Variants in GCC2 observed in about 807,000 individuals in gnomAD.
The protein encoded by GCC2 is GRIP and coiled-coil domain containing 2.
A neutral mutation model predicts 210.6 loss-of-function variants in GCC2; 120 were observed. The ratio of observed to expected loss-of-function variants is 0.57; its 90% CI spans 0.49 to 0.66. The LOEUF is 0.66. GCC2 is among the 30% of genes least tolerant of loss of function. GCC2 has a pLI of 0.00. For synonymous variants in GCC2, 703 were observed against 652.7 expected, an observed-to-expected ratio of 1.08 and a Z score of -1.17; for missense variants, 1,868 against 1,871.9, an observed-to-expected ratio of 1.00 and a Z score of 0.04.
At chr2:108,494,908 T>A (rs191572053) in intron 19 of GCC2, 1 of 155,810 alleles carries the variant, frequency 6.4e-6, no homozygotes, top group Admixed American at 6.4e-5. Flanking sequence ...CGCCTCCTGG[T>A]TTCCAGCAAT....
intron 8 of GCC2, 37 bp from the exon 9 acceptor site, chr2:108,475,715 A>C (rs759094499): frequency 2.6e-5 from 39 of 1,512,534 alleles, no homozygotes; most frequent in Middle Eastern, 1.7e-4. Context: ...TTAAAAAAAA[A>C]CAAAAACCTC....
chr2:108,478,502 G>A (rs1015918312), intron 9 of GCC2, among the ~76,000 whole-genome samples: 4 of 152,072 alleles, frequency 2.6e-5, no homozygotes, highest in African/African-American at 7.2e-5. Flanking sequence ...AACTTGTATC[G>A]GTTTATTAAA....
In GCC2 at chr2:108,488,152, C is replaced by G. The variant is rs1047105835; in HGVS notation, c.4052+332C>G. Among the ~76,000 whole-genome samples, 7 of 152,096 alleles carry G rather than the reference C, an allele frequency of 4.6e-5. No homozygotes were observed. The South Asian group carries it at 1.2e-3, about 27-fold the overall frequency. On this transcript the variant is annotated intron_variant, in intron 17 of 22. Transcript: ENST00000309863. ...AAACTCCTGACCTCAGATGATCCAC[C>G]CGCCTCAGCCTCTCAGAGTGCTGGG...
Position 108,481,593 on chromosome 2 carries a change from A to G in GCC2, c.3061-104A>G, listed in dbSNP as rs1573206936. ...TCTGTTCAACTTGGGTAAATATTTT[A>G]AGCATCCAGAATGGACTCATGAATC... On this transcript the variant is annotated intron_variant, in intron 9 of 22. Transcript: ENST00000309863. 11 of 736,154 alleles carry G rather than the reference A, an allele frequency of 1.5e-5. No individual in the cohort carries two copies. The East Asian group carries it at 2.9e-4, about 20-fold the overall frequency. The allele number at this position is 736,154 out of a possible 1,614,324, so 45.6% of individuals were successfully genotyped here.
At chr2:108,474,276 A>C (rs1681395713) in intron 7 of GCC2, among the ~76,000 whole-genome samples, 1 of 152,236 alleles carries the variant, frequency 6.6e-6, no homozygotes, top group Admixed American at 6.5e-5. Context: ...ACAACACAGG[A>C]AATTGAGAAG....
intron 7 of GCC2, among the ~76,000 whole-genome samples, chr2:108,474,325 G>A (rs1681398180): frequency 6.6e-6 from 1 of 152,190 alleles, no homozygotes; most frequent in African/African-American, 2.4e-5. Context: ...GACATAAAAT[G>A]TCTTGAAAGC....
At chr2:108,476,649 T>G (rs1012970378) in intron 9 of GCC2, among the ~76,000 whole-genome samples, 3 of 152,114 alleles carry the variant, frequency 2.0e-5, no homozygotes, top group Non-Finnish European at 2.9e-5. Context: ...AATTAAAAAT[T>G]AAAGTACAAC....
At chr2:108,491,448 T>C (rs1370899117) in intron 18 of GCC2, among the ~76,000 whole-genome samples, 1 of 152,228 alleles carries the variant, frequency 6.6e-6, no homozygotes, top group Non-Finnish European at 1.5e-5. Context: ...CACTAGTATT[T>C]TCTAGATTCA....
rs760943388 is a variant in GCC2 at position 108,451,005 on chromosome 2, G to A, written c.64-23G>A. On this transcript the variant is annotated intron_variant, in intron 2 of 22. Coordinates refer to ENST00000309863, the MANE Select transcript of GCC2 (RefSeq NM_181453.4). The stretch of plus-strand genomic sequence containing the variant: ...CTAGAAACATGAGTTATAACAAGTT[G>A]GTAACATGACCACATCTTTCAGCTG... 66 of 1,523,456 alleles carry A rather than the reference G, an allele frequency of 4.3e-5. No individual in the cohort carries two copies. In the East Asian group the frequency reaches 1.5e-3, roughly 34 times the overall value. The allele number at this position is 1,523,456 out of a possible 1,614,324, so 94.4% of individuals were successfully genotyped here. A position where few individuals can be genotyped will look rare whatever the true frequency, so the allele number is the denominator to read the frequency against.
intron 13 of GCC2, among the ~76,000 whole-genome samples, chr2:108,485,298 G>A (rs377207221): frequency 7.4e-5 from 11 of 148,840 alleles, no homozygotes; most frequent in African/African-American, 2.7e-4. Flanking sequence ...ATGTGCACAC[G>A]TACCCTAAAA....
At position 108,469,860 on chromosome 2, in the gene GCC2, A is replaced by C. The variant is rs771300150; in HGVS notation, c.531A>C (p.Glu177Asp). The C allele has an allele frequency of 3.7e-6, 6 of 1,612,314 alleles. No individual in the cohort carries two copies. The Middle Eastern group carries it at 8.2e-4, about 221-fold the overall frequency. The change falls in exon 6 of 23, where the codon GAA becomes GAC. Residue 177 changes from glutamate (E) to aspartate (D), a missense_variant. Physicochemically the swap from Glu to Asp is conservative, Grantham distance 45 (BLOSUM62 2). This residue lies in a region of GCC2 where 1,847 missense variants were observed against 1,765.2 expected (regional missense o/e 1.05). Transcript: ENST00000309863. ...AACTTAAATTTCAGAACAACTCTGA[A>C]GATAATGTTAAAAAACTACAAGAAG... ...SEQLKFQNNS[E>D]DNVKKLQEEI... is the part of the protein sequence containing the mutation.
intron 4 of GCC2, among the ~76,000 whole-genome samples, chr2:108,460,707 A>G (rs950019442): frequency 6.6e-6 from 1 of 152,092 alleles, no homozygotes; most frequent in African/African-American, 2.4e-5. Flanking sequence ...TGCTGATTAT[A>G]GTATCTTTGT....
chr2:108,490,881 C>T (rs913140914), intron 18 of GCC2, among the ~76,000 whole-genome samples: 9 of 152,108 alleles, frequency 5.9e-5, no homozygotes, highest in African/African-American at 2.2e-4. Flanking sequence ...CTGTTGATTC[C>T]TCTAAAGTAA....
intron 4 of GCC2, among the ~76,000 whole-genome samples, chr2:108,460,364 A>T (rs570258000): frequency 3.5e-4 from 54 of 152,244 alleles, no homozygotes; most frequent in Non-Finnish European, 5.6e-4. Context: ...ACATGCAGTT[A>T]TTAATTATAT....
At chr2:108,468,691 C>T (rs1321224098) in intron 4 of GCC2, among the ~76,000 whole-genome samples, 1 of 152,184 alleles carries the variant, frequency 6.6e-6, no homozygotes, top group African/African-American at 2.4e-5. Flanking sequence ...TTCAGTTCTG[C>T]AGAATATTTG....
rs1558739092 is a variant in GCC2, at chr2:108,470,203, C to A, written c.874C>A (p.Gln292Lys). 9 of 1,612,976 alleles carry A rather than the reference C, an allele frequency of 5.6e-6. No homozygotes were observed. Among genetic ancestry groups the A allele is most frequent in the Non-Finnish European group, 7.6e-6 (9 of 1,179,590 alleles). Residue 292 changes from glutamine to lysine, a missense_variant, in exon 6 of 23, where the codon CAG (glutamine) becomes AAG (lysine). Around this residue, in one of 3 missense-constraint regions of GCC2, gnomAD observed 1,847 missense variants for 1,765.2 expected, o/e 1.05. Transcript: ENST00000309863. Reference sequence around the variant, plus strand: ...ATGTGAGGCAAGTGAAAAGAACATCCAGAAGAAATATGAATGTGAGTTAGA... The same window carrying A: ...ATGTGAGGCAAGTGAAAAGAACATCAAGAAGAAATATGAATGTGAGTTAGA... ...KQCEASEKNIQKKYECELENL... is the reference protein window; with the variant it reads ...KQCEASEKNIKKKYECELENL...
In GCC2 at chr2:108,471,707, T is replaced by C. The variant is rs749060582; in HGVS notation, c.2378T>C (p.Ile793Thr). 1.2e-6 allele frequency: 2 copies of C among 1,613,262 alleles called. No individual in the cohort carries two copies. Among genetic ancestry groups the C allele is most frequent in the South Asian group, 2.2e-5 (2 of 90,958 alleles). Reference protein sequence around the residue: ...LQAVGESLAKINEEKCNLAFQ... With the variant: ...LQAVGESLAKTNEEKCNLAFQ... ...GCAGTCGGTGAATCCTTGGCAAAAA[T>C]AAATGAGGAAAAATGCAACCTGGCT... Residue 793 changes from isoleucine to threonine, a missense_variant, in exon 6 of 23, where the codon ATA becomes ACA. Transcript: ENST00000309863.
In GCC2 at chr2:108,469,119, T is replaced by C. The variant is rs371427920; in HGVS notation, c.321+35T>C. Reference sequence around the variant, plus strand: ...TATTTTAGTGTTCTTTTCTTTTTTATTAACATATAGTGTAGTCATTAATTT... The same window carrying C: ...TATTTTAGTGTTCTTTTCTTTTTTACTAACATATAGTGTAGTCATTAATTT... On this transcript the variant is annotated intron_variant, in intron 5 of 22. Transcript: ENST00000309863. 7 of 1,253,984 alleles carry C rather than the reference T, an allele frequency of 5.6e-6. No homozygotes were observed. In the African/African-American group the frequency reaches 1.0e-4, roughly 19 times the overall value. 77.7% of individuals were successfully genotyped at this position (1,253,984 alleles called of 1,614,324 possible). A position where few individuals can be genotyped will look rare whatever the true frequency, so the allele number is the denominator to read the frequency against.
intron 22 of GCC2, among the ~76,000 whole-genome samples, chr2:108,505,335 A>G (rs1233205907): frequency 6.6e-6 from 1 of 152,214 alleles, no homozygotes; most frequent in African/African-American, 2.4e-5. Flanking sequence ...CCTAAGCAAT[A>G]TCGCTTCCTC....
Sources: gnomAD v4.1 joint callset for allele counts (sites outside exome capture counted in the v4.1 genomes callset) on GRCh38, gnomAD v4.1.1 for gene constraint, gnomAD v4.1.1 regional missense constraint, MANE v1.5 for transcripts, NCBI Gene and HGNC (gene_info 2026-07-23, HGNC 2026-07-21) for gene names.